ADCY9: variants seen among roughly 807,000 people sequenced by gnomAD.
ADCY9 encodes the protein adenylate cyclase 9.
ADCY9 carries 50 observed loss-of-function variants against 101.5 expected under a neutral mutation model. That is an observed-to-expected ratio of 0.49 (90% CI 0.39 to 0.62). The LOEUF is 0.62. ADCY9 is among the 20% of genes least tolerant of loss of function. The pLI is 0.00. For missense variants in ADCY9, 1,662 were observed against 1,800.4 expected, an observed-to-expected ratio of 0.92 and a Z score of 1.39; for synonymous variants, 905 against 769.3, an observed-to-expected ratio of 1.18 and a Z score of -2.92.
chr16:4,049,014 C>A (rs146796431), intron 2 of ADCY9, among the ~76,000 whole-genome samples: 390 of 152,258 alleles, frequency 2.6e-3, no homozygotes, highest in African/African-American at 7.9e-3. Flanking sequence ...ATCAGGAAAT[C>A]GTAATCCTGG....
chr16:4,096,086 A>C (rs1161908180), intron 2 of ADCY9, among the ~76,000 whole-genome samples: 3 of 152,086 alleles, frequency 2.0e-5, no homozygotes. Context: ...TCTAGAACTC[A>C]ATCTTACGTA....
At chr16:3,993,630 C>A in intron 3 of ADCY9, 120 bp from the exon 4 acceptor site, 1 of 1,243,110 alleles carries the variant, frequency 8.0e-7, no homozygotes, top group South Asian at 1.3e-5. Flanking sequence ...AAGGGGAAGG[C>A]ACACAGAACC....
intron 2 of ADCY9, among the ~76,000 whole-genome samples, chr16:4,055,258 C>T (rs369217373): frequency 6.6e-6 from 1 of 152,104 alleles, no homozygotes; most frequent in Non-Finnish European, 1.5e-5. Context: ...TGGGGTCAGG[C>T]GTGGTGGCTT....
rs142577935 is a variant in ADCY9 at position 4,015,397 on chromosome 16, G to A, written c.1694-7839C>T. ...CTCTTGAATTAGGGTTTACTAGCACGAGCCTTCACAAAGACTGTAGAAATG... is the reference window on the plus strand; with the variant it reads ...CTCTTGAATTAGGGTTTACTAGCACAAGCCTTCACAAAGACTGTAGAAATG... On this transcript the variant is annotated intron_variant, in intron 2 of 10. Coordinates refer to ENST00000294016, the MANE Select transcript of ADCY9 (RefSeq NM_001116.4). 5.0e-3 allele frequency among the ~76,000 whole-genome samples: 759 copies of A among 152,052 alleles called. 11 individuals carry two copies. Among genetic ancestry groups the A allele is most frequent in the African/African-American group, 0.017 (701 of 41,456 alleles).
chr16:4,100,307 T>A (rs1489893531), intron 2 of ADCY9, among the ~76,000 whole-genome samples: 1 of 152,060 alleles, frequency 6.6e-6, no homozygotes, highest in Non-Finnish European at 1.5e-5. Flanking sequence ...CTTTATAAAT[T>A]ACTCAGTCTC....
At chr16:4,021,382 T>C (rs1312430196) in intron 2 of ADCY9, among the ~76,000 whole-genome samples, 1 of 152,230 alleles carries the variant, frequency 6.6e-6, no homozygotes, top group Non-Finnish European at 1.5e-5. Context: ...GGCAAATTCA[T>C]GAACCAGGTA....
At chr16:4,096,753 C>A (rs930647762) in intron 2 of ADCY9, among the ~76,000 whole-genome samples, 5 of 152,198 alleles carry the variant, frequency 3.3e-5, no homozygotes, top group African/African-American at 1.2e-4. Flanking sequence ...TATCCATACA[C>A]AAGGAAATAA....
At chr16:3,996,218 T>G (rs1250380265) in intron 3 of ADCY9, among the ~76,000 whole-genome samples, 10 of 152,114 alleles carry the variant, frequency 6.6e-5, no homozygotes, top group Non-Finnish European at 4.4e-5. Flanking sequence ...ACCAATTAGC[T>G]GACCTTGATG....
chr16:4,031,690 C>T (rs2056556289), intron 2 of ADCY9, among the ~76,000 whole-genome samples: 1 of 151,538 alleles, frequency 6.6e-6, no homozygotes, highest in African/African-American at 2.4e-5. Flanking sequence ...TTGAGACCAG[C>T]CTGGGTAACA....
chr16:4,048,053 C>T (rs1352989922), intron 2 of ADCY9, among the ~76,000 whole-genome samples: 1 of 151,508 alleles, frequency 6.6e-6, no homozygotes, highest in Admixed American at 6.6e-5. Flanking sequence ...CCTCTGTGCT[C>T]ACCCTGAACA....
At chr16:3,985,008 A>T (rs1274478406) in intron 6 of ADCY9, among the ~76,000 whole-genome samples, 1 of 152,126 alleles carries the variant, frequency 6.6e-6, no homozygotes, top group Non-Finnish European at 1.5e-5. Context: ...CCTGGGGGTT[A>T]GGGTTTGGTT....
chr16:3,992,404 TGGCACCG>T lies in ADCY9; in HGVS notation c.1990-48_1990-42del. 6.3e-7 allele frequency: 1 copy of T among 1,585,016 alleles called. No homozygotes were observed. The highest frequency in any genetic ancestry group is 8.6e-7 in the Non-Finnish European group (1 of 1,157,818). ...GAGGACGCAGACACGGGAAGTGAAG[TGGCACCG>T]GGCACTGGGCACACACGCCTGTCCC... On this transcript the variant is annotated intron_variant, in intron 4 of 10. Coordinates refer to ENST00000294016, the MANE Select transcript of ADCY9 (RefSeq NM_001116.4). The surrounding 1 kb of genome is among the most constrained non-coding windows in gnomAD (Gnocchi z 4.2).
At chr16:4,056,642 T>C (rs2056739674) in intron 2 of ADCY9, among the ~76,000 whole-genome samples, 2 of 152,268 alleles carry the variant, frequency 1.3e-5, no homozygotes, top group South Asian at 4.1e-4. Context: ...AAAACTGGTC[T>C]CCTGGGAACA....
intron 2 of ADCY9, among the ~76,000 whole-genome samples, chr16:4,042,940 A>G (rs549239507): frequency 6.6e-6 from 1 of 152,344 alleles, no homozygotes; most frequent in African/African-American, 2.4e-5. Flanking sequence ...GACTAAAAAT[A>G]TTAAAACTCG....
At chr16:4,097,641 G>A (rs1453929467) in intron 2 of ADCY9, among the ~76,000 whole-genome samples, 2 of 144,202 alleles carry the variant, frequency 1.4e-5, no homozygotes, top group African/African-American at 5.1e-5. Flanking sequence ...CCATCTCCTG[G>A]GTTCAAGAGA....
intron 2 of ADCY9, among the ~76,000 whole-genome samples, chr16:4,069,730 G>A (rs1207705176): frequency 6.6e-6 from 1 of 152,068 alleles, no homozygotes; most frequent in Non-Finnish European, 1.5e-5. Context: ...TCTTACTTCT[G>A]TTCTTTAGAA....
chr16:4,068,829 A>C (rs891562060), intron 2 of ADCY9, among the ~76,000 whole-genome samples: 1 of 151,948 alleles, frequency 6.6e-6, no homozygotes, highest in Non-Finnish European at 1.5e-5. Flanking sequence ...AAAAAAAAAA[A>C]AACAATTCAC....
intron 2 of ADCY9, among the ~76,000 whole-genome samples, chr16:4,052,392 C>A (rs970615032): frequency 1.3e-5 from 2 of 152,134 alleles, no homozygotes; most frequent in Non-Finnish European, 2.9e-5. Context: ...TTTTAGGAAA[C>A]CCACACAGGA....
At chr16:3,991,577 A>G (rs1313362610) in intron 5 of ADCY9, among the ~76,000 whole-genome samples, 1 of 152,046 alleles carries the variant, frequency 6.6e-6, no homozygotes, top group Non-Finnish European at 1.5e-5. Context: ...CCTGGCCAAC[A>G]TGTTAAAAAC....
Sources: gnomAD v4.1 joint callset for allele counts (sites outside exome capture counted in the v4.1 genomes callset) on GRCh38, gnomAD v4.1.1 for gene constraint, Gnocchi (gnomAD v3.1) non-coding constraint, MANE v1.5 for transcripts, NCBI Gene and HGNC (gene_info 2026-07-23, HGNC 2026-07-21) for gene names.